DAGLA: variants seen among roughly 807,000 people sequenced by gnomAD.
The protein encoded by DAGLA is diacylglycerol lipase alpha.
In DAGLA, 22 loss-of-function variants were observed where a neutral mutation model predicts 102.6. The observed-to-expected ratio is 0.21, with a 90% CI of 0.15 to 0.31. DAGLA has a LOEUF of 0.31. DAGLA is among the 10% of genes least tolerant of loss of function. DAGLA has a pLI of 1.00. For missense variants in DAGLA, 927 were observed against 1,446.6 expected (o/e 0.64, Z 5.83); for synonymous variants, 578 against 628.9 (o/e 0.92, Z 1.21).
chr11:61,740,408 C>T (rs1022838921), intron 17 of DAGLA, 55 bp from the exon 18 acceptor site: 13 of 1,588,484 alleles, frequency 8.2e-6, no homozygotes, highest in African/African-American at 2.7e-5. Flanking sequence ...GCCCTGGCAC[C>T]GAGGGCCAGG....
Position 61,680,438 on chromosome 11 carries a change from G to C in DAGLA, c.-111G>C, listed in dbSNP as rs539362792. ...TGCGGAAGCGGCGTTAGTGAATCGG[G>C]GCCTTGGGGAGCCCAGGATGGAGGT... On this transcript the variant is annotated 5_prime_UTR_variant, in exon 1 of 20. Transcript: ENST00000257215. The C allele has an allele frequency of 2.0e-5, 3 of 152,180 alleles. No individual in the cohort carries two copies. Among genetic ancestry groups the C allele is most frequent in the East Asian group, 1.9e-4 (1 of 5,156 alleles). The allele number at this position is 152,180 out of a possible 1,614,324, so 9.4% of individuals were successfully genotyped here. A position where few individuals can be genotyped will look rare whatever the true frequency, so the allele number is the denominator to read the frequency against.
At chr11:61,723,653 AC>A (rs1565258002) in intron 5 of DAGLA, 81 bp downstream of exon 5, 1 of 1,548,690 alleles carries the variant, frequency 6.5e-7, no homozygotes, top group Admixed American at 1.8e-5. Context: ...TCAGAAGGCT[AC>A]CCCAGGCCTC....
At chr11:61,714,166 C>T (rs902987621) in intron 1 of DAGLA, among the ~76,000 whole-genome samples, 5 of 152,200 alleles carry the variant, frequency 3.3e-5, no homozygotes, top group Admixed American at 2.6e-4. Flanking sequence ...CTCATCCTCC[C>T]GGCCCTCAAT....
At chr11:61,708,208 A>G (rs1486814507) in intron 1 of DAGLA, among the ~76,000 whole-genome samples, 1 of 152,074 alleles carries the variant, frequency 6.6e-6, no homozygotes, top group African/African-American at 2.4e-5. Flanking sequence ...GAGTTTCGCC[A>G]TGTTGGCCAG....
chr11:61,735,050 G>C, intron 10 of DAGLA, 48 bp downstream of exon 10: 7 of 1,595,588 alleles, frequency 4.4e-6, no homozygotes, highest in Non-Finnish European at 6.0e-6. Flanking sequence ...AGGCAGCTGA[G>C]GGCCTAGGGT....
At chr11:61,742,637 G>A (rs988451700) in intron 19 of DAGLA, among the ~76,000 whole-genome samples, 1 of 152,190 alleles carries the variant, frequency 6.6e-6, no homozygotes, top group African/African-American at 2.4e-5. Context: ...AGGAGACCCG[G>A]ATGAGGAAGG....
In DAGLA at chr11:61,725,999, C is replaced by T. The variant is rs1219389378; in HGVS notation, c.553C>T (p.Arg185Cys). 6.2e-7 allele frequency: 1 copy of T among 1,613,492 alleles called. No individual in the cohort carries two copies. Among genetic ancestry groups the T allele is most frequent in the African/African-American group, 1.3e-5 (1 of 74,938 alleles). The stretch of plus-strand genomic sequence containing the variant: ...ACCGCCTCTCCTGCTTTGCAGGCAC[C>T]GCTTAGAGGAGGGTCAAGCCACCAG... Reference protein sequence around the residue: ...RNLRTYNLRHRLEEGQATSWS... With the variant: ...RNLRTYNLRHCLEEGQATSWS... Residue 185 changes from arginine to cysteine, a missense_variant, in exon 6 of 20, where the codon CGC (arginine) becomes TGC (cysteine). Transcript: ENST00000257215.
At chr11:61,685,702 G>A (rs990837085) in intron 1 of DAGLA, among the ~76,000 whole-genome samples, 5 of 152,186 alleles carry the variant, frequency 3.3e-5, no homozygotes, top group African/African-American at 1.2e-4. Context: ...AGAGTGACTC[G>A]AGCCAGGGAG....
intron 1 of DAGLA, among the ~76,000 whole-genome samples, chr11:61,680,911 G>A (rs956293109): frequency 2.9e-4 from 44 of 152,298 alleles, no homozygotes; most frequent in Middle Eastern, 3.4e-3. Flanking sequence ...CCGCTAGCAT[G>A]GGTGTGAGGA....
chr11:61,715,902 A>G (rs1244719962), intron 1 of DAGLA, among the ~76,000 whole-genome samples: 1 of 152,234 alleles, frequency 6.6e-6, no homozygotes, highest in Non-Finnish European at 1.5e-5. Flanking sequence ...CCATTTTACA[A>G]GAGAAGAAAC....
Position 61,746,207 on chromosome 11 carries a change from G to C in DAGLA, c.*1718G>C, listed in dbSNP as rs1247551944. On this transcript the variant is annotated 3_prime_UTR_variant, in exon 20 of 20. Coordinates refer to ENST00000257215, the MANE Select transcript of DAGLA (RefSeq NM_006133.3). ...GCCCCTGCCCACCCTGACAGAGGGA[G>C]CTGGGCCTCCCCTCATCCTCTGTAA... is the stretch of plus-strand genomic sequence containing the variant. The C allele has an allele frequency of 6.6e-6, 1 of 152,326 alleles. No individual in the cohort carries two copies. Among genetic ancestry groups the C allele is most frequent in the Non-Finnish European group, 1.5e-5 (1 of 68,070 alleles). 9.4% of individuals were successfully genotyped at this position (152,326 alleles called of 1,614,324 possible). A position where few individuals can be genotyped will look rare whatever the true frequency, so the allele number is the denominator to read the frequency against.
intron 19 of DAGLA, among the ~76,000 whole-genome samples, chr11:61,742,186 C>T (rs1370602246): frequency 7.2e-5 from 11 of 152,176 alleles, no homozygotes; most frequent in Admixed American, 2.0e-4. Context: ...CATACACAGA[C>T]GTCTGGTCTA....
chr11:61,718,857 T>C (rs919567228), intron 1 of DAGLA, among the ~76,000 whole-genome samples: 1 of 152,158 alleles, frequency 6.6e-6, no homozygotes, highest in African/African-American at 2.4e-5. Flanking sequence ...CCCCACGCCC[T>C]CTCGCCCACC....
At chr11:61,742,226 A>C (rs1416349157) in intron 19 of DAGLA, among the ~76,000 whole-genome samples, 3 of 152,196 alleles carry the variant, frequency 2.0e-5, no homozygotes, top group Non-Finnish European at 4.4e-5. Flanking sequence ...AGAGGCGTGC[A>C]CACATGCTCA....
intron 1 of DAGLA, among the ~76,000 whole-genome samples, chr11:61,695,360 G>A (rs1000653556): frequency 6.6e-6 from 1 of 152,212 alleles, no homozygotes; most frequent in Non-Finnish European, 1.5e-5. Context: ...ACCCGCCCCG[G>A]TTTCCTTGTT....
chr11:61,736,888 C>A (rs2065427284), intron 13 of DAGLA, among the ~76,000 whole-genome samples: 1 of 152,226 alleles, frequency 6.6e-6, no homozygotes, highest in Admixed American at 6.5e-5. Context: ...ATCCCAGGTA[C>A]AGATGCAATG....
At chr11:61,737,406 C>T (rs1393473241) in intron 14 of DAGLA, 82 bp downstream of exon 14, 7 of 1,573,120 alleles carry the variant, frequency 4.4e-6, no homozygotes, top group Non-Finnish European at 6.0e-6. Flanking sequence ...AGGGGCTGGA[C>T]TGGGAGTCTG....
chr11:61,692,881 TA>T (rs11344286), intron 1 of DAGLA, among the ~76,000 whole-genome samples: 58,610 of 147,534 alleles, frequency 0.4, 11,484 homozygotes, highest in East Asian at 0.47. Context: ...TTTAGTTCAG[TA>T]AAAAAAAAAA....
chr11:61,713,214 G>C (rs1029510463), intron 1 of DAGLA, among the ~76,000 whole-genome samples: 2 of 152,198 alleles, frequency 1.3e-5, no homozygotes, highest in Admixed American at 1.3e-4. Flanking sequence ...GAGGCTTAGA[G>C]CCAGCTTTTG....
Sources: allele counts gnomAD v4.1 joint callset (sites outside exome capture counted in the v4.1 genomes callset), GRCh38; gene constraint gnomAD v4.1.1; transcripts MANE v1.5; gene names NCBI Gene and HGNC (gene_info 2026-07-23, HGNC 2026-07-21).